Variants in ARHGAP40 observed in about 807,000 individuals in gnomAD.
ARHGAP40 encodes the protein rho GTPase-activating protein 40.
Under a neutral mutation model 73.5 loss-of-function variants are expected in ARHGAP40, and 43 were observed. That is an observed-to-expected ratio of 0.58 (90% CI 0.46 to 0.75). The LOEUF (loss-of-function observed/expected upper bound fraction) is 0.75. ARHGAP40 is among the 30% of genes least tolerant of loss of function. ARHGAP40 has a pLI of 0.00. For synonymous variants in ARHGAP40, 300 were observed against 352.8 expected (o/e 0.85, Z 1.68); for missense variants, 734 against 861.8 (o/e 0.85, Z 1.86).
intron 1 of ARHGAP40, among the ~76,000 whole-genome samples, chr20:38,621,306 T>C (rs2145600524): frequency 6.6e-6 from 1 of 152,360 alleles, no homozygotes; most frequent in Non-Finnish European, 1.5e-5. Flanking sequence ...TCTAGGATTC[T>C]CTTCTACTGT....
At chr20:38,638,806 C>G (rs1367817544) in exon 8 of ARHGAP40, 1 of 1,305,464 alleles carries the variant, frequency 7.7e-7, no homozygotes, top group South Asian at 1.2e-5. Flanking sequence ...GGAAGGCATT[C>G]TCAGGGTGCC....
intron 3 of ARHGAP40, among the ~76,000 whole-genome samples, chr20:38,627,633 G>GGGGGTGTGTGGGGGTGTGTT (rs2088910111): frequency 1.4e-5 from 2 of 139,494 alleles, no homozygotes; most frequent in African/African-American, 2.7e-5. Context: ...GTGTGTGTTG[G>GGGGGTGTGTGGGGGTGTGTT]GGTGTGTGTG....
chr20:38,645,009 C>T (rs998988697), intron 11 of ARHGAP40, among the ~76,000 whole-genome samples: 2 of 152,140 alleles, frequency 1.3e-5, no homozygotes, highest in Non-Finnish European at 2.9e-5. Flanking sequence ...TCTGACTGTT[C>T]CCACTTTTCT....
chr20:38,621,168 A>G (rs2088871448), intron 1 of ARHGAP40, among the ~76,000 whole-genome samples: 1 of 152,174 alleles, frequency 6.6e-6, no homozygotes. Context: ...AGGGGATGGG[A>G]TCCCACAAGA....
intron 2 of ARHGAP40, among the ~76,000 whole-genome samples, chr20:38,625,878 C>G (rs6092785): frequency 0.08 from 12,223 of 152,124 alleles, 622 homozygotes; most frequent in African/African-American, 0.14. Context: ...AAAAATGTAG[C>G]CCATGATTAA....
At chr20:38,609,154 G>C (rs566465388) in intron 1 of ARHGAP40, among the ~76,000 whole-genome samples, 1 of 152,078 alleles carries the variant, frequency 6.6e-6, no homozygotes, top group Admixed American at 6.6e-5. Context: ...AGTGGGTAGT[G>C]GGGGGGTTAT....
Position 38,648,623 on chromosome 20 carries a change from T to C in ARHGAP40, c.1881-20T>C, listed in dbSNP as rs556166725. ...AAGAAAAAGGCAGTAGTTTTTTTTT[T>C]CTCTCTCTCTGTTTTACAGCCATAG... On this transcript the variant is annotated intron_variant, in intron 13 of 14. Transcript: ENST00000373345. 1.5e-5 allele frequency: 19 copies of C among 1,292,932 alleles called. No individual in the cohort carries two copies. The East Asian group carries it at 1.7e-4, about 11-fold the overall frequency. The allele number at this position is 1,292,932 out of a possible 1,614,324, so 80.1% of individuals were successfully genotyped here.
chr20:38,603,866 C>T (rs1010178264), intron 1 of ARHGAP40, among the ~76,000 whole-genome samples: 1 of 152,204 alleles, frequency 6.6e-6, no homozygotes, highest in South Asian at 2.1e-4. Flanking sequence ...ATCTCTCTGA[C>T]TCTGACCTCC....
intron 3 of ARHGAP40, among the ~76,000 whole-genome samples, chr20:38,628,397 C>T (rs945032774): frequency 2.7e-4 from 41 of 152,190 alleles, no homozygotes; most frequent in Non-Finnish European, 4.4e-4. Flanking sequence ...CTCCGCCTCC[C>T]GGGTTCACGC....
chr20:38,624,677 G>A (rs1448270133), intron 2 of ARHGAP40, among the ~76,000 whole-genome samples: 1 of 152,112 alleles, frequency 6.6e-6, no homozygotes, highest in Non-Finnish European at 1.5e-5. Context: ...GGCCTCAAAT[G>A]CTCTTGCCCC....
At chr20:38,601,894 C>T in exon 1 of ARHGAP40, 2 of 1,286,648 alleles carry the variant, frequency 1.6e-6, no homozygotes, top group South Asian at 2.5e-5. Flanking sequence ...TCGAGTCAGC[C>T]CCACGGCGGC....
intron 1 of ARHGAP40, among the ~76,000 whole-genome samples, chr20:38,620,294 C>T (rs760745227): frequency 3.3e-5 from 5 of 152,146 alleles, no homozygotes; most frequent in African/African-American, 7.2e-5. Context: ...CTCTTCCTAT[C>T]GTTCTCTTCC....
At chr20:38,608,446 G>T (rs1407096436) in intron 1 of ARHGAP40, among the ~76,000 whole-genome samples, 1 of 152,124 alleles carries the variant, frequency 6.6e-6, no homozygotes, top group Non-Finnish European at 1.5e-5. Context: ...GCTGCTGGCT[G>T]CTCGTTGGTC....
chr20:38,623,415 TAC>T lies in ARHGAP40; in HGVS notation c.197_198del (p.His66ProfsTer31). ...CTTCCCCAGAAGAATCTCCTGCGAC[TAC>T]ACCCTGCTGGCTCTGCTGGCTGTTC... is the stretch of plus-strand genomic sequence containing the variant. On this transcript the variant is annotated frameshift_variant, in exon 2 of 15. Transcript: ENST00000373345. LOFTEE classifies it high-confidence loss of function. 2 of 1,290,946 alleles carry T rather than the reference TAC, an allele frequency of 1.5e-6. No individual in the cohort carries two copies. The highest frequency in any genetic ancestry group is 2.0e-6 in the Non-Finnish European group (2 of 988,854). The allele number at this position is 1,290,946 out of a possible 1,614,324, so 80.0% of individuals were successfully genotyped here. A position where few individuals can be genotyped will look rare whatever the true frequency, so the allele number is the denominator to read the frequency against.
intron 1 of ARHGAP40, among the ~76,000 whole-genome samples, chr20:38,620,690 G>A (rs139186527): frequency 6.6e-6 from 1 of 152,338 alleles, no homozygotes; most frequent in East Asian, 1.9e-4. Context: ...ATAATTAACT[G>A]GGACTTGGTC....
rs2089056741 is a variant in ARHGAP40 at position 38,646,858 on chromosome 20, T to C, written c.1711-99T>C. The C allele has an allele frequency of 5.4e-6, 6 of 1,108,588 alleles. No homozygotes were observed. Among genetic ancestry groups the C allele is most frequent in the Non-Finnish European group, 7.1e-6 (6 of 841,536 alleles). The allele number at this position is 1,108,588 out of a possible 1,614,324, so 68.7% of individuals were successfully genotyped here. A position where few individuals can be genotyped will look rare whatever the true frequency, so the allele number is the denominator to read the frequency against. ...TATCTTGTGATTTTCAGCGTGGGCA[T>C]TTGCGTAAGTGCCATGTATGCGTGT... On this transcript the variant is annotated intron_variant, in intron 12 of 14. Coordinates refer to ENST00000373345, the Ensembl canonical transcript of ARHGAP40. The surrounding 1 kb of genome is among the most constrained non-coding windows in gnomAD (Gnocchi z 4.5).
At chr20:38,641,097 GAGGA>G (rs1455817018) in intron 9 of ARHGAP40, among the ~76,000 whole-genome samples, 2 of 146,052 alleles carry the variant, frequency 1.4e-5, no homozygotes, top group African/African-American at 2.6e-5. Flanking sequence ...GGGAGGGAGG[GAGGA>G]AGGAAGGAAG....
intron 5 of ARHGAP40, among the ~76,000 whole-genome samples, chr20:38,630,776 C>G (rs1297116830): frequency 6.6e-6 from 1 of 152,154 alleles, no homozygotes; most frequent in Non-Finnish European, 1.5e-5. Context: ...CCCCTCAGTG[C>G]CCGCATGCCC....
intron 1 of ARHGAP40, among the ~76,000 whole-genome samples, chr20:38,621,481 A>G (rs2088873144): frequency 6.6e-6 from 1 of 152,182 alleles, no homozygotes; most frequent in Non-Finnish European, 1.5e-5. Flanking sequence ...AATGCTTAGC[A>G]TGCATGGGAC....
Sources: gnomAD v4.1 joint callset for allele counts (sites outside exome capture counted in the v4.1 genomes callset) on GRCh38, gnomAD v4.1.1 for gene constraint, Gnocchi (gnomAD v3.1) non-coding constraint, MANE v1.5 for transcripts, NCBI Gene and HGNC (gene_info 2026-07-23, HGNC 2026-07-21) for gene names.